Variants in DLGAP1 observed in about 807,000 individuals in gnomAD.
The protein encoded by DLGAP1 is DLG associated protein 1.
In DLGAP1, 11 loss-of-function variants were observed where a neutral mutation model predicts 90.8. That is an observed-to-expected ratio of 0.12 (90% CI 0.08 to 0.20). The LOEUF (loss-of-function observed/expected upper bound fraction) is 0.20, where lower values mean the gene tolerates loss of function less well. Ranked by LOEUF, DLGAP1 falls within the 10% of genes least tolerant of loss-of-function variation. The pLI is 1.00. For synonymous variants in DLGAP1, 558 were observed against 540.7 expected, an observed-to-expected ratio of 1.03 and a Z score of -0.44; for missense variants, 1,050 against 1,333.8, an observed-to-expected ratio of 0.79 and a Z score of 3.31.
rs1470164264 is a variant in DLGAP1, at chr18:3,936,043, CCAG to C, written c.-72-55906_-72-55904del. Among the ~76,000 whole-genome samples, 260 of 152,314 alleles carry C rather than the reference CCAG, an allele frequency of 1.7e-3. 1 individual carries two copies. Among genetic ancestry groups the C allele is most frequent in the Middle Eastern group, 0.01 (3 of 294 alleles). On this transcript the variant is annotated intron_variant, in intron 3 of 12. Transcript: ENST00000315677. ...ACAGAGTACTCTCTTGAGGGGCATT[CCAG>C]CCTCTGCTGGGGTCACATTGCCATC... is the stretch of plus-strand genomic sequence containing the variant.
intron 1 of DLGAP1, among the ~76,000 whole-genome samples, chr18:4,298,084 C>T (rs1004856678): frequency 1.3e-5 from 2 of 152,160 alleles, no homozygotes; most frequent in Admixed American, 6.5e-5. Flanking sequence ...TGTTAGCTTG[C>T]AAGTAGAGTT....
chr18:3,948,461 C>G (rs536563074), intron 3 of DLGAP1, among the ~76,000 whole-genome samples: 1 of 152,194 alleles, frequency 6.6e-6, no homozygotes, highest in Non-Finnish European at 1.5e-5. Flanking sequence ...GTGACGATCT[C>G]CTTCCTACTG....
chr18:4,083,982 C>T (rs764855741), intron 2 of DLGAP1, among the ~76,000 whole-genome samples: 2 of 152,060 alleles, frequency 1.3e-5, no homozygotes, highest in African/African-American at 2.4e-5. Context: ...TCGGATCACA[C>T]GGGGGCTTGG....
intron 9 of DLGAP1, among the ~76,000 whole-genome samples, chr18:3,549,655 A>G (rs1435772677): frequency 6.6e-6 from 1 of 151,868 alleles, no homozygotes; most frequent in Non-Finnish European, 1.5e-5. Context: ...ACACACATAC[A>G]TGCACTTCCG....
intron 3 of DLGAP1, chr18:3,896,427 G>T (rs1303243117): frequency 6.6e-6 from 1 of 152,064 alleles, no homozygotes; most frequent in Non-Finnish European, 1.5e-5. Context: ...TATACAAAAA[G>T]GATAATACTA....
In DLGAP1 at chr18:3,840,963, C is replaced by G. The variant is rs2068682727; in HGVS notation, c.958-26690G>C. On this transcript the variant is annotated intron_variant, in intron 4 of 12. Coordinates refer to ENST00000315677, the MANE Select transcript of DLGAP1 (RefSeq NM_004746.4). Reference sequence around the variant, plus strand: ...TTTGAATTAAAGGAACCTAAAAACTCTCATGGTCAACACAAAATGGAAAAT... The same window carrying G: ...TTTGAATTAAAGGAACCTAAAAACTGTCATGGTCAACACAAAATGGAAAAT... Among the ~76,000 whole-genome samples the G allele has an allele frequency of 2.0e-5, 3 of 152,212 alleles. No individual in the cohort carries two copies. The South Asian group carries it at 6.2e-4, about 31-fold the overall frequency.
rs562246433 is a variant in DLGAP1, at chr18:3,523,738, A to T, written c.2479+10456T>A. 6.5e-4 allele frequency among the ~76,000 whole-genome samples: 99 copies of T among 151,900 alleles called. 5 individuals are homozygous for T. The South Asian group carries it at 9.0e-3, about 14-fold the overall frequency. Reference sequence around the variant, plus strand: ...GGCGTGCGCCCGTAGTCCCAGCTACACTGGGAGGCTGAGGCAGGAGAATGG... The same window carrying T: ...GGCGTGCGCCCGTAGTCCCAGCTACTCTGGGAGGCTGAGGCAGGAGAATGG... On this transcript the variant is annotated intron_variant, in intron 10 of 12. Coordinates refer to ENST00000315677, the MANE Select transcript of DLGAP1 (RefSeq NM_004746.4).
chr18:3,863,027 A>T (rs939238827), intron 4 of DLGAP1, among the ~76,000 whole-genome samples: 1 of 152,248 alleles, frequency 6.6e-6, no homozygotes, highest in Admixed American at 6.5e-5. Flanking sequence ...AGTAAAAAAC[A>T]ATTAGAGCAA....
chr18:4,099,290 GTCTATCA>G (rs1461469235), intron 2 of DLGAP1, among the ~76,000 whole-genome samples: 55 of 145,722 alleles, frequency 3.8e-4, no homozygotes, highest in Non-Finnish European at 7.0e-4. Context: ...CTATCTATCT[GTCTATCA>G]TCTATCTATC....
intron 12 of DLGAP1, among the ~76,000 whole-genome samples, chr18:3,501,392 C>T (rs2049924845): frequency 1.3e-5 from 2 of 152,146 alleles, no homozygotes; most frequent in Non-Finnish European, 2.9e-5. Context: ...AAATGTTTGG[C>T]TTCCCAAGTG....
chr18:3,648,078 TCAG>T (rs2059182490), intron 7 of DLGAP1, among the ~76,000 whole-genome samples: 1 of 152,222 alleles, frequency 6.6e-6, no homozygotes, highest in African/African-American at 2.4e-5. Flanking sequence ...AACACTGTAC[TCAG>T]CAGAAGTGTA....
At chr18:3,837,649 G>A (rs999217642) in intron 4 of DLGAP1, among the ~76,000 whole-genome samples, 3 of 151,988 alleles carry the variant, frequency 2.0e-5, no homozygotes, top group Non-Finnish European at 4.4e-5. Flanking sequence ...GGGAGTTTGA[G>A]ACCAGCCTGG....
intron 3 of DLGAP1, among the ~76,000 whole-genome samples, chr18:3,897,827 G>A (rs974481176): frequency 1.7e-5 from 2 of 119,308 alleles, no homozygotes; most frequent in South Asian, 2.8e-4. Context: ...TCGCTCTGTC[G>A]CCCAGGCCGG....
chr18:3,908,756 T>C (rs1370896574), intron 3 of DLGAP1, among the ~76,000 whole-genome samples: 1 of 152,216 alleles, frequency 6.6e-6, no homozygotes, highest in East Asian at 1.9e-4. Context: ...GCACTGATTA[T>C]AATACATTTT....
chr18:4,357,011 T>C (rs2144051890), intron 1 of DLGAP1, among the ~76,000 whole-genome samples: 1 of 152,212 alleles, frequency 6.6e-6, no homozygotes, highest in Admixed American at 6.5e-5. Context: ...TGAATTCTTA[T>C]CTTTCCACGC....
intron 1 of DLGAP1, among the ~76,000 whole-genome samples, chr18:4,357,745 T>C (rs370771130): frequency 2.0e-5 from 3 of 152,308 alleles, no homozygotes; most frequent in South Asian, 4.1e-4. Flanking sequence ...AGCTAGTCAG[T>C]GGGCCCAGTG....
At chr18:4,179,885 G>A (rs1412620014) in intron 1 of DLGAP1, among the ~76,000 whole-genome samples, 1 of 152,128 alleles carries the variant, frequency 6.6e-6, no homozygotes, top group Non-Finnish European at 1.5e-5. Flanking sequence ...GATCTTCAGT[G>A]TCTGTATTTT....
At chr18:3,620,597 G>A (rs1410677191) in intron 7 of DLGAP1, among the ~76,000 whole-genome samples, 5 of 151,852 alleles carry the variant, frequency 3.3e-5, no homozygotes, top group Admixed American at 6.6e-5. Flanking sequence ...CACTCTTGTC[G>A]CTCAGGCTGG....
chr18:3,800,168 A>G (rs538654492), intron 5 of DLGAP1, among the ~76,000 whole-genome samples: 1 of 152,096 alleles, frequency 6.6e-6, no homozygotes, highest in Non-Finnish European at 1.5e-5. Flanking sequence ...ATTTTACTTT[A>G]TATCTTGCTT....
Sources: allele counts gnomAD v4.1 joint callset (sites outside exome capture counted in the v4.1 genomes callset), GRCh38; gene constraint gnomAD v4.1.1; transcripts MANE v1.5; gene names NCBI Gene and HGNC (gene_info 2026-07-23, HGNC 2026-07-21).